DST: variants seen among roughly 807,000 people sequenced by gnomAD.
The protein encoded by DST is bullous pemphigoid antigen.
In DST, 253 loss-of-function variants were observed where a neutral mutation model predicts 875.2. That is an observed-to-expected ratio of 0.29 (90% CI 0.26 to 0.32). The LOEUF is 0.32. Among genes scored for constraint, DST ranks in the 10% least tolerant of loss-of-function variants. The pLI, the probability that DST is intolerant of heterozygous loss-of-function variation, is 1.00. For missense variants in DST, 8,287 were observed against 9,111.6 expected, an observed-to-expected ratio of 0.91 and a Z score of 3.68; for synonymous variants, 3,124 against 3,197.1, an observed-to-expected ratio of 0.98 and a Z score of 0.77.
At chr6:56,462,777 A>G (rs1035428409) in intron 102 of DST, among the ~76,000 whole-genome samples, 1 of 152,204 alleles carries the variant, frequency 6.6e-6, no homozygotes, top group Non-Finnish European at 1.5e-5. Flanking sequence ...CAGTGGAACT[A>G]AGTACGAATG....
intron 52 of DST, 109 bp downstream of exon 52, chr6:56,572,638 C>A: frequency 1.2e-6 from 1 of 810,512 alleles, no homozygotes; most frequent in Non-Finnish European, 1.9e-6. Flanking sequence ...CTTTACTAAT[C>A]TATAAGCAAT....
intron 90 of DST, among the ~76,000 whole-genome samples, chr6:56,478,807 G>A (rs1022959056): frequency 1.3e-5 from 2 of 152,070 alleles, no homozygotes; most frequent in Non-Finnish European, 2.9e-5. Context: ...TGAAATATAG[G>A]TGTTTTACTA....
At chr6:56,477,876 G>A (rs1474946323) in intron 90 of DST, among the ~76,000 whole-genome samples, 1 of 152,156 alleles carries the variant, frequency 6.6e-6, no homozygotes, top group East Asian at 1.9e-4. Context: ...GTAAATTGTT[G>A]TAAATAGTTG....
chr6:56,953,733 C>T lies in DST; in HGVS notation c.216+52G>A, dbSNP rs375344492. 1.7e-5 allele frequency: 22 copies of T among 1,266,204 alleles called. No homozygotes were observed. In the South Asian group the frequency reaches 2.6e-4, roughly 15 times the overall value. 78.4% of individuals were successfully genotyped at this position (1,266,204 alleles called of 1,614,324 possible). Reference sequence around the variant, plus strand: ...AACACGCATATAATTAATATTGGTACTCAGGAAAGAGAACTTCTTCTGACC... The same window carrying T: ...AACACGCATATAATTAATATTGGTATTCAGGAAAGAGAACTTCTTCTGACC... On this transcript the variant is annotated intron_variant, in intron 2 of 103. Transcript: ENST00000680361.
intron 9 of DST, among the ~76,000 whole-genome samples, chr6:56,679,163 T>C (rs1327774659): frequency 6.6e-6 from 1 of 152,170 alleles, no homozygotes; most frequent in Admixed American, 6.5e-5. Flanking sequence ...TCTCTGTTTG[T>C]CTTGTACTAT....
At chr6:56,912,642 C>T (rs1799254973) in intron 2 of DST, among the ~76,000 whole-genome samples, 2 of 152,348 alleles carry the variant, frequency 1.3e-5, no homozygotes, top group South Asian at 4.1e-4. Context: ...TCGCTCATGT[C>T]ACGCATAGAT....
At chr6:56,594,530 G>C (rs976461792) in intron 47 of DST, among the ~76,000 whole-genome samples, 1 of 151,944 alleles carries the variant, frequency 6.6e-6, no homozygotes, top group African/African-American at 2.4e-5. Context: ...TTTATTCCCT[G>C]CTTTCTCACA....
At chr6:56,946,968 G>A (rs1819842379) in intron 2 of DST, among the ~76,000 whole-genome samples, 1 of 152,100 alleles carries the variant, frequency 6.6e-6, no homozygotes, top group Admixed American at 6.6e-5. Context: ...AATTTGTAAT[G>A]ACCACACTAA....
chr6:56,587,892 A>G (rs1043050980), intron 49 of DST, among the ~76,000 whole-genome samples: 6 of 152,172 alleles, frequency 3.9e-5, no homozygotes, highest in Non-Finnish European at 8.8e-5. Context: ...CGCCTGCCCT[A>G]AAAGAGCGCC....
Position 56,767,500 on chromosome 6 carries a change from C to T in DST, c.626-32211G>A, listed in dbSNP as rs992328379. On this transcript the variant is annotated intron_variant, in intron 4 of 103. Transcript: ENST00000680361. The stretch of plus-strand genomic sequence containing the variant: ...GGCATGGTGTTGCACATCTGTAATC[C>T]TAGCTACTCGGGAAGCTGAGATACG... Among the ~76,000 whole-genome samples, 6 of 151,948 alleles carry T rather than the reference C, an allele frequency of 3.9e-5. No individual in the cohort carries two copies. The East Asian group carries it at 1.2e-3, about 29-fold the overall frequency.
chr6:56,610,436 T>C lies in DST; in HGVS notation c.5274A>G (p.Val1758=), dbSNP rs1461261960. ...AAATAAATAATATTACCTTCTCCTC[T>C]ACCTTTACATCTCCTGAGGTTTGTG... is the stretch of plus-strand genomic sequence containing the variant. ...QESQTSGDVK[V]EEKLDKVIAG... Residue 1758 remains valine (V), a synonymous_variant, in exon 39 of 104, where the codon GTA becomes GTG. Transcript: ENST00000680361. The C allele has an allele frequency of 6.4e-7, 1 of 1,556,776 alleles. No individual in the cohort carries two copies. The highest frequency in any genetic ancestry group is 8.7e-7 in the Non-Finnish European group (1 of 1,149,666).
chr6:56,619,997 CATG>C, intron 36 of DST: 4 of 1,614,076 alleles, frequency 2.5e-6, no homozygotes, highest in Non-Finnish European at 3.4e-6. Flanking sequence ...TACTGCCCTG[CATG>C]ATGTAGCCTG....
At chr6:56,585,382 A>T (rs2152666085) in intron 49 of DST, among the ~76,000 whole-genome samples, 1 of 152,304 alleles carries the variant, frequency 6.6e-6, no homozygotes, top group East Asian at 1.9e-4. Context: ...GTATTTGCGT[A>T]GAGGTGTTTG....
At chr6:56,648,837 C>T in intron 12 of DST, 148 bp from the exon 13 acceptor site, 1 of 688,546 alleles carries the variant, frequency 1.5e-6, no homozygotes, top group Non-Finnish European at 2.3e-6. Flanking sequence ...TTTCACCCAG[C>T]CCCAATCCCT....
At chr6:56,536,755 CA>C in intron 62 of DST, 23 bp downstream of exon 62, 1 of 1,501,686 alleles carries the variant, frequency 6.7e-7, no homozygotes, top group Non-Finnish European at 8.9e-7. Flanking sequence ...AGCAAAATAG[CA>C]ATGAAGGGGG....
rs772963258 is a variant in DST, at chr6:56,594,175, T to A, written c.12214A>T (p.Ile4072Phe). The A allele has an allele frequency of 2.0e-6, 3 of 1,533,274 alleles. No individual in the cohort carries two copies. In the Admixed American group the frequency reaches 6.3e-5, roughly 32 times the overall value. The allele number at this position is 1,533,274 out of a possible 1,614,324, so 95.0% of individuals were successfully genotyped here. Residue 4072 changes from isoleucine to phenylalanine, a missense_variant, in exon 48 of 104, where the codon ATC (isoleucine) becomes TTC (phenylalanine). Physicochemically the swap from Ile to Phe is conservative, Grantham distance 21 (BLOSUM62 0). Transcript: ENST00000680361. ...ATGATCACTGCTTGGTGCTGAGAGA[T>A]GATCTTCTCGTGTTGGGCCTATGTG... Reference protein sequence around the residue: ...QKVKAQHEKIISQHQAVIIAT... With the variant: ...QKVKAQHEKIFSQHQAVIIAT...
chr6:56,464,487 T>A (rs1241683553), intron 100 of DST, 198 bp downstream of exon 100: 6 of 595,190 alleles, frequency 1.0e-5, no homozygotes, highest in Admixed American at 3.0e-5. Context: ...TGATCACTTA[T>A]AACACCTGCA....
chr6:56,920,546 T>C (rs1803556546), intron 2 of DST, among the ~76,000 whole-genome samples: 1 of 152,184 alleles, frequency 6.6e-6, no homozygotes, highest in Non-Finnish European at 1.5e-5. Flanking sequence ...GAGCAACCGT[T>C]AAAAATTTTT....
Position 56,608,556 on chromosome 6 carries a change from G to C in DST, c.6072C>G (p.Ile2024Met). The change falls in exon 40 of 104, where the codon ATC becomes ATG. Residue 2024 changes from isoleucine to methionine, a missense_variant. This residue lies in a region of DST where 3,138 missense variants were observed against 3,116.6 expected (regional missense o/e 1.01). Transcript: ENST00000680361. ...CACCAGTTTGAACCTGATATGTGAG[G>C]ATACTGCTAGCAGTGTCCCTGTCAA... ...GVIDRDTASS[I>M]LTYQVQTGGI... 6.2e-7 allele frequency: 1 copy of C among 1,613,458 alleles called. No individual in the cohort carries two copies. The highest frequency in any genetic ancestry group is 8.5e-7 in the Non-Finnish European group (1 of 1,179,716).
Sources: allele counts gnomAD v4.1 joint callset (sites outside exome capture counted in the v4.1 genomes callset), GRCh38; gene constraint gnomAD v4.1.1; regional missense constraint gnomAD v4.1.1; transcripts MANE v1.5; gene names NCBI Gene and HGNC (gene_info 2026-07-23, HGNC 2026-07-21).